The following GPR19 variants were observed in gnomAD, a reference collection of about 807,000 sequenced individuals.
The protein encoded by GPR19 is probable G protein-coupled receptor 19.
GPR19 carries 14 observed loss-of-function variants against 28.5 expected under a neutral mutation model. That is an observed-to-expected ratio of 0.49 (90% confidence interval 0.32 to 0.77). GPR19 has a LOEUF of 0.77. Among genes scored for constraint, GPR19 ranks in the 30% least tolerant of loss-of-function variants. GPR19 has a pLI of 0.03. For synonymous variants in GPR19, 173 were observed against 184.1 expected, an observed-to-expected ratio of 0.94 and a Z score of 0.49; for missense variants, 409 against 504.1, an observed-to-expected ratio of 0.81 and a Z score of 1.81.
chr12:12,662,080 C>T lies in GPR19; in HGVS notation c.369G>A (p.Leu123=), dbSNP rs1217023460. Residue 123 remains leucine, a synonymous_variant, in exon 4 of 4, where the codon CTG becomes CTA. Coordinates refer to ENST00000651487, the MANE Select transcript of GPR19 (RefSeq NM_006143.3). ...LISVASTPFV[L]LQFTTGRWTL... ...TCCACCTTCCAGTGGTGAACTGGAGCAGGACGAAAGGCGTGCTGGCAACGC... is the reference window on the plus strand; with the variant it reads ...TCCACCTTCCAGTGGTGAACTGGAGTAGGACGAAAGGCGTGCTGGCAACGC... 1 of 1,614,078 alleles carries T rather than the reference C, an allele frequency of 6.2e-7. No homozygotes were observed. Among genetic ancestry groups the T allele is most frequent in the Non-Finnish European group, 8.5e-7 (1 of 1,180,018 alleles).
the GPR19 span, among the ~76,000 whole-genome samples, chr12:12,702,154 C>T: frequency 6.6e-6 from 1 of 151,764 alleles, no homozygotes; most frequent in African/African-American, 2.4e-5. Context: ...TTCAAAATTC[C>T]TCTGATGACT....
At position 12,661,626 on chromosome 12, in the gene GPR19, T is replaced by G. The variant is rs753785069; in HGVS notation, c.823A>C (p.Ile275Leu). 6.2e-7 allele frequency: 1 copy of G among 1,614,114 alleles called. No individual in the cohort carries two copies. Among genetic ancestry groups the G allele is most frequent in the East Asian group, 2.2e-5 (1 of 44,894 alleles). The change falls in exon 4 of 4, where the codon ATC (isoleucine) becomes CTC (leucine). Residue 275 changes from isoleucine to leucine, a missense_variant. By Grantham distance (5) the Ile-to-Leu change is conservative (BLOSUM62 2). Coordinates refer to ENST00000651487, the MANE Select transcript of GPR19 (RefSeq NM_006143.3). The surrounding 1 kb of genome is among the most constrained non-coding windows in gnomAD (Gnocchi z 4.2). Reference protein sequence around the residue: ...NIVPRTKVKTIKMFLILNLLF... With the variant: ...NIVPRTKVKTLKMFLILNLLF... Reference sequence around the variant, plus strand: ...AGATTTAAAATGAGGAACATCTTGATAGTTTTCACTTTTGTCCGAGGGACA... The same window carrying G: ...AGATTTAAAATGAGGAACATCTTGAGAGTTTTCACTTTTGTCCGAGGGACA...
At chr12:12,692,848 A>AT (rs1302597968) in intron 2 of GPR19, among the ~76,000 whole-genome samples, 1 of 152,168 alleles carries the variant, frequency 6.6e-6, no homozygotes, top group Non-Finnish European at 1.5e-5. Flanking sequence ...ACTCTAACCC[A>AT]TAAAAACCTT....
chr12:12,675,006 G>A (rs1308962317), intron 3 of GPR19, among the ~76,000 whole-genome samples: 2 of 152,172 alleles, frequency 1.3e-5, no homozygotes, highest in African/African-American at 4.8e-5. Flanking sequence ...AGATGATGAA[G>A]AATGGCTCAT....
At chr12:12,680,916 G>A (rs1946009029) in intron 3 of GPR19, among the ~76,000 whole-genome samples, 1 of 151,980 alleles carries the variant, frequency 6.6e-6, no homozygotes, top group Admixed American at 6.6e-5. Context: ...CTAGAACTCC[G>A]GACCTTAAGT....
At chr12:12,671,297 C>T (rs1945852586) in intron 3 of GPR19, among the ~76,000 whole-genome samples, 1 of 97,540 alleles carries the variant, frequency 1.0e-5, no homozygotes, top group Admixed American at 1.0e-4. Flanking sequence ...CACAGTGAGA[C>T]TCCCTCTCAA....
rs77914214 is a variant in GPR19 at position 12,692,117 on chromosome 12, G to A, written c.-180+3342C>T. ...GGTTTGAGAGGAGGATGAGCAATAC[G>A]TCTTACTTTGTTGGTACTAACATGA... On this transcript the variant is annotated intron_variant, in intron 2 of 3. Coordinates refer to ENST00000651487, the MANE Select transcript of GPR19 (RefSeq NM_006143.3). 9.3e-3 allele frequency among the ~76,000 whole-genome samples: 1,421 copies of A among 152,256 alleles called. 5 individuals carry two copies. The highest frequency in any genetic ancestry group is 0.013 in the Non-Finnish European group (874 of 68,026).
chr12:12,673,619 G>A (rs1398129208), intron 3 of GPR19, among the ~76,000 whole-genome samples: 1 of 152,186 alleles, frequency 6.6e-6, no homozygotes, highest in African/African-American at 2.4e-5. Context: ...AAACCCCAAC[G>A]ACAGGAAGTC....
At chr12:12,706,141 C>T in the GPR19 span, among the ~76,000 whole-genome samples, 12 of 152,190 alleles carry the variant, frequency 7.9e-5, no homozygotes, top group Admixed American at 7.2e-4. Context: ...ACCAGTCAGG[C>T]TTTCACATCT....
At chr12:12,710,072 C>T in the GPR19 span, among the ~76,000 whole-genome samples, 1 of 152,300 alleles carries the variant, frequency 6.6e-6, no homozygotes. Flanking sequence ...CCACATGCAG[C>T]CAGGTGCGGT....
chr12:12,681,211 C>A (rs1234535855), intron 3 of GPR19, among the ~76,000 whole-genome samples: 1 of 152,198 alleles, frequency 6.6e-6, no homozygotes, highest in African/African-American at 2.4e-5. Context: ...CTCTCCTCTC[C>A]CCTCCCTACA....
intron 3 of GPR19, among the ~76,000 whole-genome samples, chr12:12,671,069 T>A (rs555703976): frequency 4.0e-5 from 6 of 151,732 alleles, no homozygotes; most frequent in Non-Finnish European, 7.4e-5. Context: ...GAAGCCGAGG[T>A]GGGCAGATCA....
At chr12:12,674,363 C>T (rs1047471207) in intron 3 of GPR19, among the ~76,000 whole-genome samples, 2 of 151,102 alleles carry the variant, frequency 1.3e-5, no homozygotes, top group South Asian at 4.2e-4. Flanking sequence ...CTGCTTGAGC[C>T]TAGGAGGTTG....
At chr12:12,701,644 T>C in the GPR19 span, among the ~76,000 whole-genome samples, 1 of 152,116 alleles carries the variant, frequency 6.6e-6, no homozygotes, top group Admixed American at 6.6e-5. Flanking sequence ...AAGAACCATT[T>C]CAAAGGCCAG....
At chr12:12,716,456 G>T in the GPR19 span, among the ~76,000 whole-genome samples, 1 of 152,128 alleles carries the variant, frequency 6.6e-6, no homozygotes, top group Admixed American at 6.5e-5. Context: ...CAGAAAAGTA[G>T]AAAGGGACGA....
At chr12:12,712,522 T>TA in the GPR19 span, among the ~76,000 whole-genome samples, 6 of 152,232 alleles carry the variant, frequency 3.9e-5, no homozygotes, top group Admixed American at 3.9e-4. Context: ...CATCCCCACT[T>TA]ACCACCCCTA....
At position 12,662,452 on chromosome 12, in the gene GPR19, C is replaced by G; in HGVS notation, c.-4G>C. 6.2e-7 allele frequency: 1 copy of G among 1,611,640 alleles called. No individual in the cohort carries two copies. The highest frequency in any genetic ancestry group is 8.5e-7 in the Non-Finnish European group (1 of 1,178,374). ...CCATTCTGTGAGCAAAAACCATATT[C>G]ACTTTTTTTCTCTTAATTCTGGTTG... On this transcript the variant is annotated 5_prime_UTR_variant, in exon 4 of 4. The change abolishes the stop of an existing upstream ORF in the 5' untranslated region. Coordinates refer to ENST00000651487, the MANE Select transcript of GPR19 (RefSeq NM_006143.3).
chr12:12,671,106 C>G (rs1945849820), intron 3 of GPR19, among the ~76,000 whole-genome samples: 1 of 151,106 alleles, frequency 6.6e-6, no homozygotes, highest in East Asian at 1.9e-4. Context: ...TAAGACCAGA[C>G]AGGCCAACAT....
chr12:12,663,489 A>T (rs1458806863), intron 3 of GPR19, among the ~76,000 whole-genome samples: 2 of 152,138 alleles, frequency 1.3e-5, no homozygotes, highest in Non-Finnish European at 2.9e-5. Flanking sequence ...AAAGCTTACA[A>T]ATCTTAGATA....
Sources: gnomAD v4.1 joint callset for allele counts (sites outside exome capture counted in the v4.1 genomes callset) on GRCh38, gnomAD v4.1.1 for gene constraint, Gnocchi (gnomAD v3.1) non-coding constraint, MANE v1.5 for transcripts, NCBI Gene and HGNC (gene_info 2026-07-23, HGNC 2026-07-21) for gene names.